Variants in ACP2 observed in about 807,000 individuals in gnomAD.
ACP2 encodes the protein lysosomal acid phosphatase.
Under a neutral mutation model 54.7 loss-of-function variants are expected in ACP2, and 35 were observed. The ratio of observed to expected loss-of-function variants is 0.64; its 90% CI spans 0.49 to 0.85. ACP2 has a LOEUF of 0.85. ACP2 is among the 40% of genes least tolerant of loss of function. The pLI is 0.00. For missense variants in ACP2, 492 were observed against 565.0 expected (o/e 0.87, Z 1.31); for synonymous variants, 210 against 224.4 (o/e 0.94, Z 0.57).
At chr11:47,247,989 G>A (rs750512902) in intron 2 of ACP2, 49 bp downstream of exon 2, 5 of 1,482,934 alleles carry the variant, frequency 3.4e-6, no homozygotes, top group Non-Finnish European at 4.6e-6. Flanking sequence ...TGCTCTAGAC[G>A]TCGCTCATTC....
At chr11:47,245,000 C>G in intron 6 of ACP2, 133 bp from the exon 7 acceptor site, 2 of 1,440,844 alleles carry the variant, frequency 1.4e-6, no homozygotes, top group East Asian at 2.5e-5. Flanking sequence ...GGGCTGGAAC[C>G]AGTAGACATG....
intron 2 of ACP2, 79 bp downstream of exon 2, chr11:47,247,959 G>T: frequency 7.8e-7 from 1 of 1,277,532 alleles, no homozygotes; most frequent in African/African-American, 1.5e-5. Context: ...CAGTTTAGTA[G>T]GACCCCAAGT....
intron 3 of ACP2, 84 bp downstream of exon 3, chr11:47,247,557 C>G (rs751702166): frequency 3.3e-6 from 5 of 1,504,966 alleles, no homozygotes; most frequent in Non-Finnish European, 4.6e-6. Flanking sequence ...GCCAAAGTGC[C>G]CAGCCTCAGC....
In ACP2 at chr11:47,243,462, T is replaced by C. The variant is rs184170233; in HGVS notation, c.773-141A>G. On this transcript the variant is annotated intron_variant, in intron 7 of 10. Transcript: ENST00000672073. ...ACTCTTTAGTGTCATAGGGACCATG[T>C]AAGAACTCTGTGGCACCCCTCCTCT... 1.1e-5 allele frequency: 7 copies of C among 653,840 alleles called. No homozygotes were observed. The South Asian group carries it at 1.4e-4, about 13-fold the overall frequency. 40.5% of individuals were successfully genotyped at this position (653,840 alleles called of 1,614,324 possible).
Position 47,240,198 on chromosome 11 carries a change from A to T in ACP2, c.1190T>A (p.Val397Glu). The change falls in exon 11 of 11, where the codon GTG becomes GAG. Residue 397 changes from valine to glutamate, a missense_variant. Physicochemically the swap from Val to Glu is moderately radical, Grantham distance 121. Coordinates refer to ENST00000672073, the MANE Select transcript of ACP2 (RefSeq NM_001610.4). ...CCGGAAGAGGACGGTGAGGAGCAGCACTATGAGGAGGAAGAGGATGGAGCC... is the reference window on the plus strand; with the variant it reads ...CCGGAAGAGGACGGTGAGGAGCAGCTCTATGAGGAGGAAGAGGATGGAGCC... ...VCGSILFLLI[V>E]LLLTVLFRMQ... The T allele has an allele frequency of 6.2e-7, 1 of 1,613,584 alleles. No individual in the cohort carries two copies. Among genetic ancestry groups the T allele is most frequent in the Non-Finnish European group, 8.5e-7 (1 of 1,179,462 alleles).
Position 47,244,884 on chromosome 11 carries a change from G to T in ACP2, c.640-17C>A, listed in dbSNP as rs1411833170. ...GTGCGTTTGCTGTGTATCGCAGCAG[G>T]CAGGTTAGCGCCCCAGGCCTAGGCC... On this transcript the variant is annotated splice_polypyrimidine_tract_variant and intron_variant, in intron 6 of 10. Coordinates refer to ENST00000672073, the MANE Select transcript of ACP2 (RefSeq NM_001610.4). 1.9e-6 allele frequency: 3 copies of T among 1,586,736 alleles called. No homozygotes were observed.
In ACP2 at chr11:47,239,898, C is replaced by A; in HGVS notation, c.*218G>T. 1 of 542,334 alleles carries A rather than the reference C, an allele frequency of 1.8e-6. No individual in the cohort carries two copies. The highest frequency in any genetic ancestry group is 3.1e-5 in the East Asian group (1 of 32,678). The allele number at this position is 542,334 out of a possible 1,614,324, so 33.6% of individuals were successfully genotyped here. On this transcript the variant is annotated 3_prime_UTR_variant, in exon 11 of 11. Coordinates refer to ENST00000672073, the MANE Select transcript of ACP2 (RefSeq NM_001610.4). The stretch of plus-strand genomic sequence containing the variant: ...GGAGGCAAATCCTGTTTGGAGAAAG[C>A]CAGTGTCCAACACAGCACTTGGTAA...
chr11:47,247,407 C>T (rs184230065), intron 3 of ACP2: 9 of 586,754 alleles, frequency 1.5e-5, no homozygotes, highest in Non-Finnish European at 2.1e-5. Context: ...TTGCCAGGCC[C>T]GCCCTTAAGT....
At chr11:47,247,951 G>T in intron 2 of ACP2, 87 bp downstream of exon 2, 2 of 1,224,052 alleles carry the variant, frequency 1.6e-6, no homozygotes, top group Non-Finnish European at 2.3e-6. Context: ...GGAAAAGGCA[G>T]TTTAGTAGGA....
rs368941003 is a variant in ACP2, at chr11:47,245,620, T to A, written c.451-48A>T. The A allele has an allele frequency of 7.4e-6, 12 of 1,614,050 alleles. No individual in the cohort carries two copies. In the African/African-American group the frequency reaches 1.6e-4, roughly 22 times the overall value. ...AGGCAGCGGGAAAAGGAGCCTGGCATCAGCAGGCCTACGGCCAGAGCTGTC... is the reference window on the plus strand; with the variant it reads ...AGGCAGCGGGAAAAGGAGCCTGGCAACAGCAGGCCTACGGCCAGAGCTGTC... On this transcript the variant is annotated intron_variant, in intron 4 of 10. Coordinates refer to ENST00000672073, the MANE Select transcript of ACP2 (RefSeq NM_001610.4).
chr11:47,240,008 A>G lies in ACP2; in HGVS notation c.*108T>C. On this transcript the variant is annotated 3_prime_UTR_variant, in exon 11 of 11. Transcript: ENST00000672073. ...TCATCTGGCTGGGGTCATCAGAGGGAGGCCCAACCCAGGATCTCCTGTCCA... is the reference window on the plus strand; with the variant it reads ...TCATCTGGCTGGGGTCATCAGAGGGGGGCCCAACCCAGGATCTCCTGTCCA... 7.8e-7 allele frequency: 1 copy of G among 1,275,866 alleles called. No homozygotes were observed. Among genetic ancestry groups the G allele is most frequent in the Non-Finnish European group, 1.1e-6 (1 of 925,354 alleles). The allele number at this position is 1,275,866 out of a possible 1,614,324, so 79.0% of individuals were successfully genotyped here. A position where few individuals can be genotyped will look rare whatever the true frequency, so the allele number is the denominator to read the frequency against.
chr11:47,243,715 G>A (rs1166469176), intron 7 of ACP2, among the ~76,000 whole-genome samples: 2 of 152,180 alleles, frequency 1.3e-5, no homozygotes, highest in African/African-American at 4.8e-5. Flanking sequence ...CATGCCCTTA[G>A]GTGCTCAAAT....
Position 47,243,140 on chromosome 11 carries a change from G to A in ACP2, c.856-16C>T, listed in dbSNP as rs745663539. 7 of 1,613,374 alleles carry A rather than the reference G, an allele frequency of 4.3e-6. No individual in the cohort carries two copies. The highest frequency in any genetic ancestry group is 2.2e-5 in the East Asian group (1 of 44,892). ...TAGTGTCGTGCTGCGGGGGAGAGGG[G>A]CTGCCCGTCAGCATTGTTCCCCACA... On this transcript the variant is annotated splice_polypyrimidine_tract_variant and intron_variant, in intron 8 of 10. Coordinates refer to ENST00000672073, the MANE Select transcript of ACP2 (RefSeq NM_001610.4).
intron 3 of ACP2, among the ~76,000 whole-genome samples, chr11:47,246,942 T>C (rs933199168): frequency 6.6e-6 from 1 of 151,998 alleles, no homozygotes; most frequent in Non-Finnish European, 1.5e-5. Context: ...AGGAGGAAAC[T>C]GGGGAAGGAC....
At chr11:47,247,845 C>T in intron 2 of ACP2, 118 bp from the exon 3 acceptor site, 2 of 1,069,546 alleles carry the variant, frequency 1.9e-6, no homozygotes, top group South Asian at 3.1e-5. Context: ...TTAATCTGAT[C>T]CCAGAAGTCT....
chr11:47,247,402 A>G, intron 3 of ACP2: 1 of 581,198 alleles, frequency 1.7e-6, no homozygotes, highest in Non-Finnish European at 3.1e-6. Flanking sequence ...CCACTTTGCC[A>G]GGCCCGCCCT....
chr11:47,242,020 A>G (rs567256550), intron 10 of ACP2, among the ~76,000 whole-genome samples: 212 of 152,322 alleles, frequency 1.4e-3, no homozygotes, highest in Middle Eastern at 0.01. Context: ...AGATGGGGAA[A>G]GCTCCAGGGA....
chr11:47,245,227 C>CTG, intron 6 of ACP2, 78 bp downstream of exon 6: 2 of 1,468,652 alleles, frequency 1.4e-6, no homozygotes, highest in Non-Finnish European at 1.9e-6. Flanking sequence ...GTATCAGGCA[C>CTG]TGTGTTCTAC....
intron 2 of ACP2, 138 bp from the exon 3 acceptor site, chr11:47,247,865 T>A (rs1954252152): frequency 1.1e-6 from 1 of 944,760 alleles, no homozygotes; most frequent in Non-Finnish European, 1.6e-6. Flanking sequence ...TTTCATTAAG[T>A]GGCCAGTCAT....
Sources: allele counts gnomAD v4.1 joint callset (sites outside exome capture counted in the v4.1 genomes callset), GRCh38; gene constraint gnomAD v4.1.1; transcripts MANE v1.5; gene names NCBI Gene and HGNC (gene_info 2026-07-23, HGNC 2026-07-21).